EBF1: variants seen among roughly 807,000 people sequenced by gnomAD.
The protein encoded by EBF1 is EBF transcription factor 1, also known as transcription factor COE1.
In EBF1, 10 loss-of-function variants were observed where a neutral mutation model predicts 68.4. That is an observed-to-expected ratio of 0.15 (90% CI 0.09 to 0.25). The LOEUF (loss-of-function observed/expected upper bound fraction) is 0.25, where lower values mean the gene tolerates loss of function less well. Among genes scored for constraint, EBF1 ranks in the 10% least tolerant of loss-of-function variants. The pLI is 1.00. For missense variants in EBF1, 509 were observed against 794.4 expected, an observed-to-expected ratio of 0.64 and a Z score of 4.32; for synonymous variants, 298 against 299.8, an observed-to-expected ratio of 0.99 and a Z score of 0.06.
intron 6 of EBF1, among the ~76,000 whole-genome samples, chr5:158,924,999 C>T (rs1253164363): frequency 6.6e-6 from 1 of 152,216 alleles, no homozygotes; most frequent in South Asian, 2.1e-4. Context: ...TACTCCTCTA[C>T]AGCCATCTCT....
At chr5:159,000,756 A>ATGAACATAACTCAG (rs1294853772) in intron 6 of EBF1, among the ~76,000 whole-genome samples, 4 of 152,328 alleles carry the variant, frequency 2.6e-5, no homozygotes, top group African/African-American at 9.6e-5. Flanking sequence ...ACATAACTCA[A>ATGAACATAACTCAG]TGAACATAAC....
At chr5:158,937,931 T>C (rs1235949104) in intron 6 of EBF1, among the ~76,000 whole-genome samples, 1 of 152,140 alleles carries the variant, frequency 6.6e-6, no homozygotes, top group Non-Finnish European at 1.5e-5. Context: ...AATATTCCCA[T>C]TCACTTCAAG....
intron 15 of EBF1, among the ~76,000 whole-genome samples, chr5:158,700,883 C>CAACTT (rs969957740): frequency 6.6e-6 from 1 of 152,130 alleles, no homozygotes; most frequent in Non-Finnish European, 1.5e-5. Flanking sequence ...AAACGCAGAC[C>CAACTT]AACTTAAACC....
intron 6 of EBF1, among the ~76,000 whole-genome samples, chr5:158,845,708 A>AG (rs2127984098): frequency 6.6e-6 from 1 of 151,322 alleles, no homozygotes; most frequent in South Asian, 2.1e-4. Context: ...ACAAAAAGAA[A>AG]AAAAAAAAAA....
At chr5:158,716,694 C>T (rs1324384750) in intron 11 of EBF1, among the ~76,000 whole-genome samples, 2 of 152,200 alleles carry the variant, frequency 1.3e-5, no homozygotes, top group South Asian at 2.1e-4. Flanking sequence ...GACCTGCAAA[C>T]TGCTTGGATT....
chr5:158,958,974 A>G lies in EBF1; in HGVS notation c.554+114422T>C, dbSNP rs563425051. Among the ~76,000 whole-genome samples the G allele has an allele frequency of 2.6e-5, 4 of 152,330 alleles. No homozygotes were observed. In the East Asian group the frequency reaches 5.8e-4, roughly 22 times the overall value. On this transcript the variant is annotated intron_variant, in intron 6 of 15. Coordinates refer to ENST00000313708, the MANE Select transcript of EBF1 (RefSeq NM_024007.5). The stretch of plus-strand genomic sequence containing the variant: ...TCGCACATTACTCAAGTTGTCCCCA[A>G]GTCATCTTGAACTGGCTACTTAAAC...
chr5:158,902,099 CA>C (rs1014901578), intron 6 of EBF1, among the ~76,000 whole-genome samples: 1 of 151,952 alleles, frequency 6.6e-6, no homozygotes, highest in Non-Finnish European at 1.5e-5. Context: ...TCTCAAAAAA[CA>C]AAAAAACAAA....
At chr5:159,020,105 A>AT (rs938236800) in intron 6 of EBF1, among the ~76,000 whole-genome samples, 10 of 152,048 alleles carry the variant, frequency 6.6e-5, no homozygotes, top group Non-Finnish European at 1.2e-4. Flanking sequence ...GTTGCCTCCT[A>AT]TGTCAGTCAA....
At chr5:158,978,777 GATACACACACACACACAC>G (rs1462882400) in intron 6 of EBF1, among the ~76,000 whole-genome samples, 3 of 137,622 alleles carry the variant, frequency 2.2e-5, no homozygotes, top group African/African-American at 8.4e-5. Context: ...AAGAATTGAA[GATACACACACACACACAC>G]ATACACACAC....
chr5:158,763,032 T>G (rs1269454645), intron 10 of EBF1, among the ~76,000 whole-genome samples: 4 of 152,192 alleles, frequency 2.6e-5, no homozygotes, highest in African/African-American at 9.7e-5. Flanking sequence ...GGTTTTAATC[T>G]TATCCCTGAT....
intron 6 of EBF1, among the ~76,000 whole-genome samples, chr5:158,852,647 T>G (rs1303919606): frequency 6.6e-6 from 1 of 152,222 alleles, no homozygotes; most frequent in African/African-American, 2.4e-5. Context: ...TAAGCCTGTG[T>G]GTTCTAGTCC....
Position 158,875,056 on chromosome 5 carries a change from T to TACACACAC in EBF1, c.555-34954_555-34947dup, listed in dbSNP as rs3035121. Among the ~76,000 whole-genome samples, 797 of 147,394 alleles carry TACACACAC rather than the reference T, an allele frequency of 5.4e-3. 8 individuals are homozygous for TACACACAC. Among genetic ancestry groups the TACACACAC allele is most frequent in the African/African-American group, 0.017 (683 of 39,910 alleles). On this transcript the variant is annotated intron_variant, in intron 6 of 15. Transcript: ENST00000313708. ...ACACACACAAGCACACACACACACA[T>TACACACAC]ACACACACACACACACACACACACA...
chr5:159,051,793 C>A (rs1773808717), intron 6 of EBF1, among the ~76,000 whole-genome samples: 1 of 152,082 alleles, frequency 6.6e-6, no homozygotes. Flanking sequence ...CAATCACAAT[C>A]GCAGCCAGCA....
intron 9 of EBF1, among the ~76,000 whole-genome samples, chr5:158,778,207 C>T (rs1775701998): frequency 1.3e-5 from 2 of 152,128 alleles, no homozygotes; most frequent in Non-Finnish European, 2.9e-5. Context: ...TGAGAAAGTT[C>T]ATTTCTGAAC....
intron 4 of EBF1, among the ~76,000 whole-genome samples, chr5:159,090,274 T>C (rs1234591937): frequency 6.9e-6 from 1 of 144,454 alleles, no homozygotes; most frequent in Non-Finnish European, 1.5e-5. Flanking sequence ...AAAAAGGTGC[T>C]AGCTAATCTG....
chr5:158,700,343 G>C (rs567296521), intron 15 of EBF1, among the ~76,000 whole-genome samples: 1 of 152,298 alleles, frequency 6.6e-6, no homozygotes, highest in South Asian at 2.1e-4. Context: ...ACAAGCAAGG[G>C]GCAGCCGTCT....
chr5:158,908,759 G>A (rs183443993), intron 6 of EBF1, among the ~76,000 whole-genome samples: 11 of 152,338 alleles, frequency 7.2e-5, no homozygotes, highest in South Asian at 2.1e-4. Flanking sequence ...AAGAGGTGGC[G>A]TGATTATTCT....
rs10476278 is a variant in EBF1 at position 158,898,718 on chromosome 5, T to G, written c.555-58608A>C. Among the ~76,000 whole-genome samples the G allele has an allele frequency of 6.1e-3, 936 of 152,338 alleles. 16 individuals are homozygous for G. The highest frequency in any genetic ancestry group is 0.021 in the African/African-American group (891 of 41,576). ...CATCCACGCACTAAGCGGGGGATTA[T>G]CTTTTTTGTCTCTCAGGAACCTCGC... On this transcript the variant is annotated intron_variant, in intron 6 of 15. Transcript: ENST00000313708.
chr5:158,745,997 T>A (rs1447775031), intron 10 of EBF1, among the ~76,000 whole-genome samples: 3 of 152,036 alleles, frequency 2.0e-5, no homozygotes, highest in African/African-American at 4.8e-5. Flanking sequence ...TGCCCTGAAC[T>A]TTTAAGGATA....
Sources: allele counts gnomAD v4.1 joint callset (sites outside exome capture counted in the v4.1 genomes callset), GRCh38; gene constraint gnomAD v4.1.1; transcripts MANE v1.5; gene names NCBI Gene and HGNC (gene_info 2026-07-23, HGNC 2026-07-21).